Variants in NR5A2 observed in about 807,000 individuals in gnomAD.
NR5A2 encodes the protein CYP7A promoter-binding factor.
NR5A2 carries 26 observed loss-of-function variants against 62.7 expected under a neutral mutation model. The observed-to-expected ratio is 0.41, with a 90% CI of 0.30 to 0.58. The LOEUF (loss-of-function observed/expected upper bound fraction) is 0.58. Ranked by LOEUF, NR5A2 falls within the 20% of genes least tolerant of loss-of-function variation. The pLI is 0.22. For missense variants in NR5A2, 541 were observed against 669.1 expected (o/e 0.81, Z 2.11); for synonymous variants, 246 against 241.7 (o/e 1.02, Z -0.16).
chr1:200,042,096 T>C (rs1662116273), intron 2 of NR5A2, among the ~76,000 whole-genome samples: 1 of 152,166 alleles, frequency 6.6e-6, no homozygotes, highest in Non-Finnish European at 1.5e-5. Context: ...AAAACCCTAG[T>C]GGGGGTCTCT....
chr1:200,133,474 G>A (rs866584512), intron 7 of NR5A2, among the ~76,000 whole-genome samples: 19 of 147,652 alleles, frequency 1.3e-4, no homozygotes, highest in African/African-American at 3.5e-4. Context: ...ACAGTCAAGC[G>A]TTATATAATG....
At chr1:200,057,696 C>A (rs1217560179) in intron 5 of NR5A2, 5 of 303,234 alleles carry the variant, frequency 1.6e-5, no homozygotes, top group South Asian at 1.4e-4. Flanking sequence ...CCAGGCTGGT[C>A]TCAAAACTCC....
At chr1:200,084,488 A>G (rs934960256) in intron 5 of NR5A2, among the ~76,000 whole-genome samples, 1 of 152,238 alleles carries the variant, frequency 6.6e-6, no homozygotes, top group Non-Finnish European at 1.5e-5. Context: ...GTAACTTTAT[A>G]TAGGTGAACT....
chr1:200,088,038 A>G (rs1664635206), intron 5 of NR5A2, among the ~76,000 whole-genome samples: 1 of 152,124 alleles, frequency 6.6e-6, no homozygotes, highest in Non-Finnish European at 1.5e-5. Context: ...CGTATGAACC[A>G]CCATGCCCGG....
intron 1 of NR5A2, among the ~76,000 whole-genome samples, chr1:200,031,543 A>G (rs1412346251): frequency 6.9e-6 from 1 of 144,990 alleles, no homozygotes; most frequent in Non-Finnish European, 1.6e-5. Flanking sequence ...AAAACAAAAC[A>G]AAAAAAGGAT....
chr1:200,157,598 A>G (rs1235339803), intron 7 of NR5A2, among the ~76,000 whole-genome samples: 1 of 152,246 alleles, frequency 6.6e-6, no homozygotes, highest in Non-Finnish European at 1.5e-5. Flanking sequence ...ACATGGTTAC[A>G]CAAATACAAA....
In NR5A2 at chr1:200,048,614, A is replaced by G. The variant is rs1255367223; in HGVS notation, c.906A>G (p.Pro302=). ...SYQTSSPASI[P]HLILELLKCE... ...AGACGAGCTCTCCAGCAAGCATCCC[A>G]CATCTGATACTGGAACTTTTGAAGT... is the stretch of plus-strand genomic sequence containing the variant. Residue 302 remains proline, a synonymous_variant, in exon 5 of 8, where the codon CCA becomes CCG. Coordinates refer to ENST00000367362, the MANE Select transcript of NR5A2 (RefSeq NM_205860.3). This position sits in a 1 kb window ranked among gnomAD's most constrained non-coding sequence, Gnocchi z 4.8. 2.5e-6 allele frequency: 4 copies of G among 1,614,066 alleles called. No homozygotes were observed. The highest frequency in any genetic ancestry group is 3.4e-6 in the Non-Finnish European group (4 of 1,180,018).
intron 5 of NR5A2, among the ~76,000 whole-genome samples, chr1:200,078,561 A>C: frequency 6.6e-6 from 1 of 152,108 alleles, no homozygotes; most frequent in Middle Eastern, 3.4e-3. Context: ...ACTAGAAATT[A>C]ATTCTTTCAT....
chr1:200,169,781 C>A (rs1435300057), intron 7 of NR5A2, among the ~76,000 whole-genome samples: 3 of 152,220 alleles, frequency 2.0e-5, no homozygotes, highest in Non-Finnish European at 4.4e-5. Context: ...TGTCTGTTTA[C>A]ATACTATTTC....
chr1:200,119,487 G>A (rs188220000), intron 6 of NR5A2, among the ~76,000 whole-genome samples: 16 of 152,244 alleles, frequency 1.1e-4, no homozygotes, highest in Admixed American at 8.5e-4. Flanking sequence ...GGATGGGAGC[G>A]TCAGGTACCA....
chr1:200,163,364 G>T (rs1352473763), intron 7 of NR5A2, among the ~76,000 whole-genome samples: 3 of 151,904 alleles, frequency 2.0e-5, no homozygotes, highest in African/African-American at 7.2e-5. Context: ...ATTTCCTGAG[G>T]ATCTCCTCTG....
chr1:200,042,730 C>A, intron 2 of NR5A2: 2 of 889,196 alleles, frequency 2.2e-6, no homozygotes, highest in East Asian at 1.2e-4. Flanking sequence ...ACCCGCGCCC[C>A]GCGCTCCCAT....
At position 200,168,305 on chromosome 1, in the gene NR5A2, G is replaced by A. The variant is rs193249337; in HGVS notation, c.1379-5658G>A. Among the ~76,000 whole-genome samples the A allele has an allele frequency of 2.4e-4, 36 of 151,812 alleles. No homozygotes were observed. In the East Asian group the frequency reaches 4.7e-3, roughly 20 times the overall value. ...CAGCCTACTGTACTTGAACTCCTGG[G>A]CTCAAATGATGCTCCTACTTCAGCC... On this transcript the variant is annotated intron_variant, in intron 7 of 7. Transcript: ENST00000367362.
intron 5 of NR5A2, among the ~76,000 whole-genome samples, chr1:200,051,477 A>T (rs1662629912): frequency 6.6e-6 from 1 of 152,222 alleles, no homozygotes; most frequent in Non-Finnish European, 1.5e-5. Context: ...AGCATTTTTC[A>T]ATCAATTACG....
rs370677122 is a variant in NR5A2 at position 200,174,252 on chromosome 1, T to C, written c.*42T>C. The C allele has an allele frequency of 1.9e-5, 28 of 1,479,854 alleles. 1 individual carries two copies. In the African/African-American group the frequency reaches 3.0e-4, roughly 16 times the overall value. The allele number at this position is 1,479,854 out of a possible 1,614,324, so 91.7% of individuals were successfully genotyped here. A position where few individuals can be genotyped will look rare whatever the true frequency, so the allele number is the denominator to read the frequency against. ...GCTCTGCTTTCAAAACAAAAAGAGA[T>C]TGGGGGAGTGGGGAGGGGGAAGAAG... On this transcript the variant is annotated 3_prime_UTR_variant, in exon 8 of 8. Transcript: ENST00000367362.
chr1:200,087,634 A>G (rs1664617203), intron 5 of NR5A2, among the ~76,000 whole-genome samples: 1 of 152,040 alleles, frequency 6.6e-6, no homozygotes, highest in Admixed American at 6.5e-5. Context: ...TGACCTCGTG[A>G]TCTGCCTGCC....
chr1:200,104,245 C>T (rs570778434), intron 5 of NR5A2, among the ~76,000 whole-genome samples: 2 of 152,306 alleles, frequency 1.3e-5, no homozygotes, highest in South Asian at 4.1e-4. Flanking sequence ...CAACAATTGA[C>T]TAGGGCGTTT....
At chr1:200,156,932 C>T (rs919049187) in intron 7 of NR5A2, among the ~76,000 whole-genome samples, 3 of 152,064 alleles carry the variant, frequency 2.0e-5, no homozygotes, top group Admixed American at 6.6e-5. Context: ...ATAACCCCAT[C>T]GTAAGTTGGA....
At position 200,147,870 on chromosome 1, in the gene NR5A2, G is replaced by A. The variant is rs1301686002; in HGVS notation, c.1379-26093G>A. On this transcript the variant is annotated intron_variant, in intron 7 of 7. Coordinates refer to ENST00000367362, the MANE Select transcript of NR5A2 (RefSeq NM_205860.3). This position sits in a 1 kb window ranked among gnomAD's most constrained non-coding sequence, Gnocchi z 4.9. ...GTATGGCCACCTGCTTGTAGGCGCA[G>A]TCCCCGGAGCGGTGGCCGGCGCGCG... 1.2e-5 allele frequency: 5 copies of A among 425,292 alleles called. No individual in the cohort carries two copies. The highest frequency in any genetic ancestry group is 1.0e-4 in the African/African-American group (5 of 48,640). The allele number at this position is 425,292 out of a possible 1,614,324, so 26.3% of individuals were successfully genotyped here.
Sources: gnomAD v4.1 joint callset for allele counts (sites outside exome capture counted in the v4.1 genomes callset) on GRCh38, gnomAD v4.1.1 for gene constraint, Gnocchi (gnomAD v3.1) non-coding constraint, MANE v1.5 for transcripts, NCBI Gene and HGNC (gene_info 2026-07-23, HGNC 2026-07-21) for gene names.